Variants in CNTN5 observed in about 807,000 individuals in gnomAD.
The protein encoded by CNTN5 is contactin 5, also known as contactin-5.
Under a neutral mutation model 129.1 loss-of-function variants are expected in CNTN5, and 77 were observed. The observed-to-expected ratio is 0.60, with a 90% CI of 0.50 to 0.72. The LOEUF (loss-of-function observed/expected upper bound fraction) is 0.72, where lower values mean the gene tolerates loss of function less well. CNTN5 is among the 30% of genes least tolerant of loss of function. CNTN5 has a pLI of 0.00. For synonymous variants in CNTN5, 509 were observed against 465.6 expected (o/e 1.09, Z -1.20); for missense variants, 1,478 against 1,328.8 (o/e 1.11, Z -1.75).
At chr11:99,770,542 ACACT>A (rs1944908774) in intron 3 of CNTN5, among the ~76,000 whole-genome samples, 1 of 152,046 alleles carries the variant, frequency 6.6e-6, no homozygotes, top group African/African-American at 2.4e-5. Context: ...CAATTGCTTA[ACACT>A]CAATTATGTC....
chr11:99,341,645 T>C (rs1262537080), intron 2 of CNTN5, among the ~76,000 whole-genome samples: 3 of 152,150 alleles, frequency 2.0e-5, no homozygotes, highest in African/African-American at 7.2e-5. Flanking sequence ...CTTGTACTCT[T>C]TGTGGAAGGG....
At chr11:100,185,350 A>T (rs1948267724) in intron 13 of CNTN5, among the ~76,000 whole-genome samples, 1 of 152,030 alleles carries the variant, frequency 6.6e-6, no homozygotes, top group Non-Finnish European at 1.5e-5. Flanking sequence ...GGTATCCTCC[A>T]TTCTCCTCTC....
intron 18 of CNTN5, among the ~76,000 whole-genome samples, chr11:100,281,794 T>C (rs149702915): frequency 2.6e-4 from 40 of 152,266 alleles, no homozygotes; most frequent in African/African-American, 9.6e-4. Flanking sequence ...TTGTCTAGTC[T>C]GACGTATATT....
At chr11:99,540,193 T>C (rs1948050974) in intron 2 of CNTN5, among the ~76,000 whole-genome samples, 1 of 152,126 alleles carries the variant, frequency 6.6e-6, no homozygotes, top group African/African-American at 2.4e-5. Flanking sequence ...TCTATAGAAG[T>C]AAGCACAGCA....
rs545617912 is a variant in CNTN5 at position 99,741,454 on chromosome 11, C to T, written c.56-78090C>T. On this transcript the variant is annotated intron_variant, in intron 3 of 24. Coordinates refer to ENST00000524871, the MANE Select transcript of CNTN5 (RefSeq NM_014361.4). ...GCTGCTTAAGGATGCTTTGAATTTA[C>T]AGGAAAGGGATATCTCTGTGGTACC... 4.1e-4 allele frequency among the ~76,000 whole-genome samples: 62 copies of T among 152,092 alleles called. 1 individual carries two copies. The highest frequency in any genetic ancestry group is 1.3e-3 in the African/African-American group (56 of 41,516).
chr11:100,293,350 T>G (rs940847876), intron 18 of CNTN5, among the ~76,000 whole-genome samples: 1 of 151,756 alleles, frequency 6.6e-6, no homozygotes, highest in African/African-American at 2.4e-5. Context: ...CAAATAGGTA[T>G]TTTGCCTAGA....
chr11:99,720,272 A>T (rs1444681200), intron 3 of CNTN5, among the ~76,000 whole-genome samples: 1 of 152,170 alleles, frequency 6.6e-6, no homozygotes, highest in Non-Finnish European at 1.5e-5. Context: ...CAATGCAAAA[A>T]TCCTCAACAA....
chr11:99,825,189 C>T (rs928646245), intron 4 of CNTN5, among the ~76,000 whole-genome samples: 1 of 151,954 alleles, frequency 6.6e-6, no homozygotes, highest in African/African-American at 2.4e-5. Context: ...TAGCCAGTAT[C>T]TGCCAGACTC....
At chr11:99,102,213 G>C (rs921005270) in intron 1 of CNTN5, among the ~76,000 whole-genome samples, 1 of 152,074 alleles carries the variant, frequency 6.6e-6, no homozygotes, top group Non-Finnish European at 1.5e-5. Context: ...TCTGGGCCTG[G>C]ACCACAAAAC....
intron 8 of CNTN5, among the ~76,000 whole-genome samples, chr11:99,991,537 C>G (rs1591535286): frequency 6.6e-6 from 1 of 152,284 alleles, no homozygotes; most frequent in East Asian, 1.9e-4. Context: ...AGAAACCCAA[C>G]TTGAAATAAC....
intron 21 of CNTN5, among the ~76,000 whole-genome samples, chr11:100,323,556 T>A (rs1243618030): frequency 2.0e-5 from 3 of 152,174 alleles, no homozygotes; most frequent in Non-Finnish European, 2.9e-5. Context: ...ATCATTTCAC[T>A]CATCCACATT....
intron 13 of CNTN5, among the ~76,000 whole-genome samples, chr11:100,177,026 T>C (rs531912757): frequency 6.6e-6 from 1 of 152,152 alleles, no homozygotes; most frequent in South Asian, 2.1e-4. Flanking sequence ...GAGTATGTTA[T>C]CTTGTAGGCA....
In CNTN5 at chr11:100,126,702, CAG is replaced by C. The variant is rs368258085; in HGVS notation, c.1580+52411_1580+52412del. Among the ~76,000 whole-genome samples, 552 of 152,142 alleles carry C rather than the reference CAG, an allele frequency of 3.6e-3. 1 individual carries two copies. The highest frequency in any genetic ancestry group is 9.9e-3 in the African/African-American group (412 of 41,522). ...ACATGTGAGATGGGTCTCTTGAAGACAGAGGAAAAATGGGTCTTGTTTTTGTA... is the reference window on the plus strand; with the variant it reads ...ACATGTGAGATGGGTCTCTTGAAGACAGGAAAAATGGGTCTTGTTTTTGTA... On this transcript the variant is annotated intron_variant, in intron 13 of 24. Transcript: ENST00000524871.
intron 2 of CNTN5, among the ~76,000 whole-genome samples, chr11:99,515,751 A>T (rs1947023358): frequency 6.6e-6 from 1 of 151,968 alleles, no homozygotes; most frequent in Non-Finnish European, 1.5e-5. Context: ...ATGCTGTTTT[A>T]TTTCTATATG....
chr11:100,298,219 A>G (rs2138885834), intron 19 of CNTN5, among the ~76,000 whole-genome samples: 1 of 151,618 alleles, frequency 6.6e-6, no homozygotes, highest in Middle Eastern at 3.4e-3. Flanking sequence ...ACAATCTCTA[A>G]GAACAATGAG....
At chr11:99,725,413 CATTA>C (rs1306220244) in intron 3 of CNTN5, among the ~76,000 whole-genome samples, 1 of 151,466 alleles carries the variant, frequency 6.6e-6, no homozygotes, top group East Asian at 1.9e-4. Flanking sequence ...AATTTTCTTC[CATTA>C]ATTATATTAA....
intron 13 of CNTN5, among the ~76,000 whole-genome samples, chr11:100,119,576 A>G (rs1945948781): frequency 6.6e-6 from 1 of 151,948 alleles, no homozygotes; most frequent in African/African-American, 2.4e-5. Flanking sequence ...ATAAAAGAAC[A>G]ATCCCACCAT....
At chr11:100,135,178 T>A (rs993525006) in intron 13 of CNTN5, among the ~76,000 whole-genome samples, 1 of 127,728 alleles carries the variant, frequency 7.8e-6, no homozygotes, top group Non-Finnish European at 1.6e-5. Context: ...ATAAAAGTGT[T>A]TTTTTTTTTT....
chr11:99,066,311 C>T (rs531427267), intron 1 of CNTN5, among the ~76,000 whole-genome samples: 10 of 151,966 alleles, frequency 6.6e-5, no homozygotes, highest in African/African-American at 2.4e-4. Context: ...ACCATGTTGC[C>T]CAGGGTGGTC....
Sources: allele counts gnomAD v4.1 joint callset (sites outside exome capture counted in the v4.1 genomes callset), GRCh38; gene constraint gnomAD v4.1.1; transcripts MANE v1.5; gene names NCBI Gene and HGNC (gene_info 2026-07-23, HGNC 2026-07-21).